Variants in AIMP1 observed in about 807,000 individuals in gnomAD.
AIMP1 encodes the protein aminoacyl tRNA synthase complex-interacting multifunctional protein 1.
In AIMP1, 24 loss-of-function variants were observed where a neutral mutation model predicts 33.1. That is an observed-to-expected ratio of 0.73 (90% CI 0.53 to 1.02). AIMP1 has a LOEUF of 1.02. AIMP1 is among the 50% of genes least tolerant of loss of function. The pLI is 0.00. For missense variants in AIMP1, 367 were observed against 364.8 expected (o/e 1.01, Z -0.05); for synonymous variants, 120 against 121.5 (o/e 0.99, Z 0.08).
intron 6 of AIMP1, 64 bp from the exon 7 acceptor site, chr4:106,347,462 A>T: frequency 4.2e-6 from 6 of 1,443,518 alleles, no homozygotes; most frequent in Non-Finnish European, 5.6e-6. Context: ...CTCTGTGAAT[A>T]GTCTCTTTAA....
chr4:106,324,870 TA>T, intron 1 of AIMP1, 114 bp from the exon 2 acceptor site: 1 of 804,618 alleles, frequency 1.2e-6, no homozygotes, highest in Non-Finnish European at 1.8e-6. Context: ...TTTTCTAAGA[TA>T]TTTATCTATT....
rs747367999 is a variant in AIMP1 at position 106,331,814 on chromosome 4, A to G, written c.534A>G (p.Glu178=). The G allele has an allele frequency of 4.3e-6, 7 of 1,614,070 alleles. No individual in the cohort carries two copies. The highest frequency in any genetic ancestry group is 2.7e-5 in the African/African-American group (2 of 74,946). The stretch of plus-strand genomic sequence containing the variant: ...ATGCAGATTCTTTGTATGTGGAAGA[A>G]GTAGATGTCGGAGAAATAGCCCCAA... ...HPDADSLYVE[E]VDVGEIAPRT... Residue 178 remains glutamate (E), a synonymous_variant, in exon 5 of 7, where the codon GAA becomes GAG. Transcript: ENST00000672341.
intron 3 of AIMP1, 94 bp downstream of exon 3, chr4:106,327,658 C>A: frequency 1.2e-6 from 1 of 810,770 alleles, no homozygotes; most frequent in Non-Finnish European, 2.0e-6. Flanking sequence ...TGTATCTAGG[C>A]AACTTGGACA....
chr4:106,343,131 A>C (rs1770163310), intron 6 of AIMP1, among the ~76,000 whole-genome samples: 1 of 152,040 alleles, frequency 6.6e-6, no homozygotes, highest in African/African-American at 2.4e-5. Context: ...TGGTCTGTTC[A>C]TGTTTTTACT....
chr4:106,328,019 T>C, intron 3 of AIMP1, 57 bp from the exon 4 acceptor site: 1 of 1,595,050 alleles, frequency 6.3e-7, no homozygotes, highest in Non-Finnish European at 8.6e-7. Flanking sequence ...CAATTTCATA[T>C]TTTTTGTCAT....
intron 5 of AIMP1, among the ~76,000 whole-genome samples, chr4:106,333,975 C>T (rs1161818999): frequency 6.6e-6 from 1 of 152,054 alleles, no homozygotes; most frequent in African/African-American, 2.4e-5. Flanking sequence ...TGGAAAGAAT[C>T]GAAGACAGTA....
At chr4:106,320,866 T>C (rs1769192955) in intron 1 of AIMP1, among the ~76,000 whole-genome samples, 1 of 152,112 alleles carries the variant, frequency 6.6e-6, no homozygotes, top group African/African-American at 2.4e-5. Flanking sequence ...CCTGCCTCAG[T>C]CTGCCGAGTT....
At chr4:106,346,663 A>T (rs752478167) in intron 6 of AIMP1, among the ~76,000 whole-genome samples, 2 of 152,164 alleles carry the variant, frequency 1.3e-5, no homozygotes, top group African/African-American at 4.8e-5. Context: ...TCCAGTATTG[A>T]TAAGAAATCT....
At chr4:106,344,087 T>G (rs1770201481) in intron 6 of AIMP1, among the ~76,000 whole-genome samples, 1 of 152,156 alleles carries the variant, frequency 6.6e-6, no homozygotes, top group African/African-American at 2.4e-5. Flanking sequence ...ATTAATTAAC[T>G]TGGCTTCTGG....
Position 106,347,632 on chromosome 4 carries a change from T to C in AIMP1, c.879T>C (p.Phe293=), listed in dbSNP as rs1770354079. 1 of 1,613,370 alleles carries C rather than the reference T, an allele frequency of 6.2e-7. No individual in the cohort carries two copies. Among genetic ancestry groups the C allele is most frequent in the African/African-American group, 1.3e-5 (1 of 74,980 alleles). Residue 293 remains phenylalanine, a synonymous_variant, in exon 7 of 7, where the codon TTT becomes TTC. Transcript: ENST00000672341. The stretch of plus-strand genomic sequence containing the variant: ...TGGCTACATACAAAGGAGTTCCCTT[T>C]GAGGTGAAAGGGAAGGGAGTATGTA... ...ECVATYKGVP[F]EVKGKGVCRA...
chr4:106,343,733 C>G (rs1770189760), intron 6 of AIMP1, among the ~76,000 whole-genome samples: 1 of 152,144 alleles, frequency 6.6e-6, no homozygotes, highest in African/African-American at 2.4e-5. Context: ...AACTTGAAAA[C>G]AGTACTACAG....
intron 1 of AIMP1, among the ~76,000 whole-genome samples, chr4:106,317,446 C>T (rs1454803185): frequency 1.3e-5 from 2 of 152,166 alleles, no homozygotes; most frequent in South Asian, 4.1e-4. Context: ...GTGATGGGCT[C>T]TGACTTCCTT....
At chr4:106,320,465 A>G (rs980142626) in intron 1 of AIMP1, among the ~76,000 whole-genome samples, 3 of 152,222 alleles carry the variant, frequency 2.0e-5, no homozygotes, top group Non-Finnish European at 2.9e-5. Flanking sequence ...GGTAGGTAAT[A>G]TAAATGGCAG....
chr4:106,323,868 A>G (rs953627376), intron 1 of AIMP1, among the ~76,000 whole-genome samples: 1 of 152,096 alleles, frequency 6.6e-6, no homozygotes, highest in Non-Finnish European at 1.5e-5. Context: ...TTGAAAAGAT[A>G]TGGCTCAAAT....
At chr4:106,335,073 G>A (rs1288986737) in intron 5 of AIMP1, among the ~76,000 whole-genome samples, 6 of 152,302 alleles carry the variant, frequency 3.9e-5, no homozygotes, top group African/African-American at 1.4e-4. Context: ...ATTTTAATAG[G>A]ATCATTCTGG....
At chr4:106,315,736 T>C (rs1768752064), upstream of AIMP1, 2 of 152,286 alleles carry the variant, frequency 1.3e-5, no homozygotes, top group African/African-American at 4.8e-5. Flanking sequence ...CCCAAACGAC[T>C]CAGGTGAACC....
chr4:106,320,749 C>T (rs1769184891), intron 1 of AIMP1, among the ~76,000 whole-genome samples: 1 of 151,734 alleles, frequency 6.6e-6, no homozygotes, highest in South Asian at 2.1e-4. Flanking sequence ...AAAGTATAGC[C>T]CTCTCCCTCT....
At chr4:106,346,973 G>A (rs932192542) in intron 6 of AIMP1, among the ~76,000 whole-genome samples, 5 of 152,090 alleles carry the variant, frequency 3.3e-5, no homozygotes, top group African/African-American at 1.2e-4. Context: ...TTTACTCGTG[G>A]CAGTCAAAGC....
intron 6 of AIMP1, among the ~76,000 whole-genome samples, chr4:106,346,544 C>G (rs1266124587): frequency 1.3e-5 from 2 of 152,090 alleles, no homozygotes; most frequent in African/African-American, 4.8e-5. Flanking sequence ...TAGTCCCTGT[C>G]TCATTACTCC....
Sources: gnomAD v4.1 joint callset for allele counts (sites outside exome capture counted in the v4.1 genomes callset) on GRCh38, gnomAD v4.1.1 for gene constraint, MANE v1.5 for transcripts, NCBI Gene and HGNC (gene_info 2026-07-23, HGNC 2026-07-21) for gene names.